Variants in ZNF385D observed in about 807,000 individuals in gnomAD.
ZNF385D encodes zinc finger protein 385D.
ZNF385D carries 15 observed loss-of-function variants against 35.8 expected under a neutral mutation model. That is an observed-to-expected ratio of 0.42 (90% CI 0.28 to 0.64). ZNF385D has a LOEUF of 0.64. Among genes scored for constraint, ZNF385D ranks in the 30% least tolerant of loss-of-function variants. The pLI is 0.23. For synonymous variants in ZNF385D, 212 were observed against 186.8 expected (o/e 1.13, Z -1.10); for missense variants, 474 against 494.6 (o/e 0.96, Z 0.39).
chr3:21,753,200 C>A (rs1303591832), upstream of ZNF385D, among the ~76,000 whole-genome samples: 3 of 152,116 alleles, frequency 2.0e-5, no homozygotes, highest in African/African-American at 7.2e-5. Flanking sequence ...AATGAAGAAC[C>A]TGAGGCTCAG....
rs138474556 is a variant in ZNF385D, at chr3:21,840,331, G to A, written c.326-175303C>T. Among the ~76,000 whole-genome samples, 188 of 152,126 alleles carry A rather than the reference G, an allele frequency of 1.2e-3. 1 individual carries two copies. The highest frequency in any genetic ancestry group is 2.0e-3 in the Non-Finnish European group (137 of 67,974). On this transcript the variant is annotated intron_variant, in intron 3 of 5. Transcript: ENST00000494108. ...CCTAAAATTAAAACAGAATAGAGAA[G>A]AGCTGGAGGCAAGTGGTATCACTTT...
chr3:22,189,698 T>C (rs1007405941), intron 2 of ZNF385D, among the ~76,000 whole-genome samples: 1 of 152,154 alleles, frequency 6.6e-6, no homozygotes. Context: ...CCACCAAAAA[T>C]CTGATATTTT....
At chr3:21,815,428 G>C (rs1373305279) in intron 3 of ZNF385D, among the ~76,000 whole-genome samples, 1 of 152,150 alleles carries the variant, frequency 6.6e-6, no homozygotes, top group Non-Finnish European at 1.5e-5. Flanking sequence ...AAAAGTGATA[G>C]ACCACTAGCA....
chr3:22,105,490 T>G (rs1702160065), intron 3 of ZNF385D, among the ~76,000 whole-genome samples: 1 of 152,104 alleles, frequency 6.6e-6, no homozygotes, highest in Non-Finnish European at 1.5e-5. Flanking sequence ...CTCACACAAT[T>G]ACGGAGGCTG....
At chr3:21,907,403 A>G (rs1699736425) in intron 3 of ZNF385D, among the ~76,000 whole-genome samples, 1 of 152,174 alleles carries the variant, frequency 6.6e-6, no homozygotes, top group Non-Finnish European at 1.5e-5. Flanking sequence ...TTTGTATAAT[A>G]AAATCCATTT....
intron 3 of ZNF385D, among the ~76,000 whole-genome samples, chr3:22,045,545 A>G (rs1412755188): frequency 6.6e-6 from 1 of 152,086 alleles, no homozygotes; most frequent in East Asian, 1.9e-4. Flanking sequence ...GGTATTTAGA[A>G]ATTCAGGTGT....
At position 22,036,428 on chromosome 3, in the gene ZNF385D, A is replaced by C. The variant is rs181212878; in HGVS notation, c.325+132389T>G. ...ATTCAGTAGGAAAAGCATGTGAGTAATATCAATTGACAAGAAAACTGACCT... is the reference window on the plus strand; with the variant it reads ...ATTCAGTAGGAAAAGCATGTGAGTACTATCAATTGACAAGAAAACTGACCT... On this transcript the variant is annotated intron_variant, in intron 3 of 5. Coordinates refer to the ZNF385D transcript ENST00000494108. Among the ~76,000 whole-genome samples, 135 of 152,316 alleles carry C rather than the reference A, an allele frequency of 8.9e-4. 1 individual carries two copies. The highest frequency in any genetic ancestry group is 3.4e-3 in the Middle Eastern group (1 of 294).
At chr3:21,946,826 C>T (rs1348837368) in intron 3 of ZNF385D, among the ~76,000 whole-genome samples, 2 of 152,068 alleles carry the variant, frequency 1.3e-5, no homozygotes, top group East Asian at 1.9e-4. Flanking sequence ...AGCGACACTC[C>T]GTGTCTAAAA....
chr3:21,988,732 G>C (rs575214533), intron 3 of ZNF385D, among the ~76,000 whole-genome samples: 1 of 151,724 alleles, frequency 6.6e-6, no homozygotes. Context: ...GTTTACCTAA[G>C]CAAGCCTGGG....
chr3:21,715,966 C>G lies in ZNF385D; in HGVS notation c.22+34929G>C, dbSNP rs74765343. ...CCTTCAAATCTGTTTCTCTCAAAAT[C>G]ATCTTCATCTCAGGAAACGGCAGCT... is the stretch of plus-strand genomic sequence containing the variant. On this transcript the variant is annotated intron_variant, in intron 1 of 7. Transcript: ENST00000281523. 8.9e-3 allele frequency among the ~76,000 whole-genome samples: 1,355 copies of G among 152,244 alleles called. 8 individuals are homozygous for G. Among genetic ancestry groups the G allele is most frequent in the Middle Eastern group, 0.02 (6 of 294 alleles).
intron 3 of ZNF385D, among the ~76,000 whole-genome samples, chr3:22,134,975 G>A (rs1704020239): frequency 6.6e-6 from 1 of 152,050 alleles, no homozygotes; most frequent in South Asian, 2.1e-4. Context: ...GAAAATGACT[G>A]CATTCTACAA....
At chr3:21,506,280 C>T (rs1438330651) in intron 4 of ZNF385D, among the ~76,000 whole-genome samples, 1 of 152,108 alleles carries the variant, frequency 6.6e-6, no homozygotes. Context: ...CTAGTGGTTG[C>T]TTCGTCAGCC....
intron 2 of ZNF385D, among the ~76,000 whole-genome samples, chr3:22,187,740 C>CA (rs1175437682): frequency 1.3e-5 from 2 of 151,988 alleles, no homozygotes; most frequent in Non-Finnish European, 2.9e-5. Context: ...AGTAAAATAG[C>CA]AAAGGAGGCT....
intron 4 of ZNF385D, among the ~76,000 whole-genome samples, chr3:21,510,346 G>A (rs972663477): frequency 1.3e-5 from 2 of 152,228 alleles, no homozygotes; most frequent in African/African-American, 4.8e-5. Flanking sequence ...GCAGAGGGAA[G>A]GTTACCCAGC....
chr3:21,824,645 T>C (rs1342231522), intron 3 of ZNF385D, among the ~76,000 whole-genome samples: 1 of 151,960 alleles, frequency 6.6e-6, no homozygotes, highest in African/African-American at 2.4e-5. Context: ...AAGAACCTGA[T>C]AAAGAAGGGT....
At chr3:22,175,911 A>G (rs976277325) in intron 2 of ZNF385D, among the ~76,000 whole-genome samples, 2 of 148,682 alleles carry the variant, frequency 1.3e-5, no homozygotes, top group African/African-American at 2.4e-5. Context: ...CATTAAATAT[A>G]TATTATATAT....
chr3:21,801,521 T>C (rs765211061), intron 3 of ZNF385D, among the ~76,000 whole-genome samples: 2 of 152,162 alleles, frequency 1.3e-5, no homozygotes, highest in Admixed American at 6.5e-5. Context: ...CTATTTTTAA[T>C]TGTAAACTTC....
At chr3:22,031,945 C>T (rs1043649949) in intron 3 of ZNF385D, among the ~76,000 whole-genome samples, 1 of 152,162 alleles carries the variant, frequency 6.6e-6, no homozygotes, top group African/African-American at 2.4e-5. Flanking sequence ...ATTTCTTTTA[C>T]CAGATACCCT....
chr3:22,214,581 C>T (rs767250778), intron 2 of ZNF385D, among the ~76,000 whole-genome samples: 23 of 151,982 alleles, frequency 1.5e-4, no homozygotes, highest in African/African-American at 2.9e-4. Flanking sequence ...AAAGGGAATG[C>T]GTCCCTGAAG....
Sources: allele counts gnomAD v4.1 joint callset (sites outside exome capture counted in the v4.1 genomes callset), GRCh38; gene constraint gnomAD v4.1.1; transcripts MANE v1.5; gene names NCBI Gene and HGNC (gene_info 2026-07-23, HGNC 2026-07-21).